The following GALNT14 variants were observed in gnomAD, a reference collection of about 807,000 sequenced individuals.
GALNT14 encodes the protein polypeptide N-acetylgalactosaminyltransferase 14.
Under a neutral mutation model 77.5 loss-of-function variants are expected in GALNT14, and 60 were observed. The observed-to-expected ratio is 0.77, with a 90% CI of 0.63 to 0.96. The LOEUF (loss-of-function observed/expected upper bound fraction) is 0.96. Ranked by LOEUF, GALNT14 falls within the 40% of genes least tolerant of loss-of-function variation. GALNT14 has a pLI of 0.00. For missense variants in GALNT14, 710 were observed against 731.0 expected, an observed-to-expected ratio of 0.97 and a Z score of 0.33; for synonymous variants, 280 against 281.7, an observed-to-expected ratio of 0.99 and a Z score of 0.06.
chr2:30,942,054 G>C, intron 9 of GALNT14, 147 bp downstream of exon 9: 1 of 564,782 alleles, frequency 1.8e-6, no homozygotes, highest in Non-Finnish European at 3.2e-6. Flanking sequence ...TCCCCCAAAA[G>C]AGTAACTCAC....
chr2:31,002,879 T>C (rs1276112674), intron 1 of GALNT14, among the ~76,000 whole-genome samples: 1 of 152,198 alleles, frequency 6.6e-6, no homozygotes, highest in African/African-American at 2.4e-5. Context: ...TGGAAAATCC[T>C]TTCCCCTCAC....
At chr2:31,104,086 C>T (rs1423600875) in intron 1 of GALNT14, among the ~76,000 whole-genome samples, 1 of 152,170 alleles carries the variant, frequency 6.6e-6, no homozygotes, top group African/African-American at 2.4e-5. Flanking sequence ...TTGGAAGTTG[C>T]TGCAGAAAAA....
chr2:30,916,485 G>A (rs574268275), intron 13 of GALNT14, among the ~76,000 whole-genome samples: 1 of 152,324 alleles, frequency 6.6e-6, no homozygotes, highest in East Asian at 1.9e-4. Context: ...GGGTGACCCT[G>A]CCCCCTCCAC....
the GALNT14 span, among the ~76,000 whole-genome samples, chr2:30,899,957 A>G: frequency 6.6e-6 from 1 of 152,112 alleles, no homozygotes; most frequent in South Asian, 2.1e-4. Flanking sequence ...ACTTCACCAT[A>G]CCCTTATGTG....
chr2:31,042,655 C>G lies in GALNT14; in HGVS notation c.130-49648G>C, dbSNP rs143598548. On this transcript the variant is annotated intron_variant, in intron 1 of 14. Transcript: ENST00000349752. ...TGAAAACCTTGGGGTAGCCTTCACT[C>G]CCTTCCTCTTCCTTACTCTCCACAT... is the stretch of plus-strand genomic sequence containing the variant. Among the ~76,000 whole-genome samples, 36 of 152,276 alleles carry G rather than the reference C, an allele frequency of 2.4e-4. No homozygotes were observed. The East Asian group carries it at 6.8e-3, about 29-fold the overall frequency.
At chr2:31,019,351 C>A (rs1457007200) in intron 1 of GALNT14, among the ~76,000 whole-genome samples, 1 of 152,110 alleles carries the variant, frequency 6.6e-6, no homozygotes, top group Non-Finnish European at 1.5e-5. Flanking sequence ...CTTTAATTTT[C>A]ATTTGAAAGG....
chr2:30,996,290 G>A (rs1253168169), intron 1 of GALNT14, among the ~76,000 whole-genome samples: 3 of 152,234 alleles, frequency 2.0e-5, no homozygotes, highest in Non-Finnish European at 4.4e-5. Flanking sequence ...AATGTGGATT[G>A]CAAAGAGGAC....
intron 13 of GALNT14, 107 bp from the exon 14 acceptor site, chr2:30,912,449 C>G (rs1572953416): frequency 7.8e-7 from 1 of 1,281,416 alleles, no homozygotes; most frequent in East Asian, 2.4e-5. Flanking sequence ...TAAGAAGCAC[C>G]AAGGGTCCCA....
At position 30,992,827 on chromosome 2, in the gene GALNT14, G is replaced by T. The variant is rs891316086; in HGVS notation, c.299+11C>A. 3 of 1,611,664 alleles carry T rather than the reference G, an allele frequency of 1.9e-6. No homozygotes were observed. The highest frequency in any genetic ancestry group is 1.3e-5 in the African/African-American group (1 of 74,914). On this transcript the variant is annotated intron_variant, in intron 2 of 14. Coordinates refer to ENST00000349752, the MANE Select transcript of GALNT14 (RefSeq NM_024572.4). ...CTGCGGGGGTAACAGAGTGGGAGAA[G>T]GAGGAAGTACCTCAGATGGCGAGTG... is the stretch of plus-strand genomic sequence containing the variant.
chr2:30,948,016 TTG>T (rs1392274178), intron 6 of GALNT14, among the ~76,000 whole-genome samples: 4 of 152,204 alleles, frequency 2.6e-5, no homozygotes, highest in Non-Finnish European at 5.9e-5. Context: ...GCCACTGTCA[TTG>T]TGTGTCTGTG....
chr2:31,044,525 A>C (rs12712304), intron 1 of GALNT14, among the ~76,000 whole-genome samples: 44,807 of 152,046 alleles, frequency 0.29, 7,136 homozygotes, highest in East Asian at 0.45. Flanking sequence ...GTACTTCAAT[A>C]CTCCCTATTA....
chr2:31,048,418 C>T (rs6734015), intron 1 of GALNT14, among the ~76,000 whole-genome samples: 47,274 of 152,134 alleles, frequency 0.31, 7,711 homozygotes, highest in Admixed American at 0.45. Flanking sequence ...GAAGACAGGG[C>T]TCTACTTCTT....
intron 2 of GALNT14, among the ~76,000 whole-genome samples, chr2:30,970,557 A>C (rs1264314608): frequency 1.3e-5 from 2 of 152,042 alleles, no homozygotes; most frequent in South Asian, 2.1e-4. Context: ...TCACAAGCTC[A>C]TGGTTTAGAA....
intron 1 of GALNT14, among the ~76,000 whole-genome samples, chr2:31,004,080 C>T (rs565143971): frequency 1.3e-5 from 2 of 152,322 alleles, no homozygotes; most frequent in African/African-American, 4.8e-5. Context: ...TCCCAATTGC[C>T]GGTGGACATG....
intron 2 of GALNT14, among the ~76,000 whole-genome samples, chr2:30,983,097 C>G (rs966886563): frequency 4.6e-5 from 7 of 152,104 alleles, no homozygotes; most frequent in African/African-American, 1.7e-4. Context: ...GAACTGATAC[C>G]ACACTGCCCT....
the GALNT14 span, among the ~76,000 whole-genome samples, chr2:30,896,494 A>G: frequency 6.6e-6 from 1 of 152,140 alleles, no homozygotes; most frequent in Non-Finnish European, 1.5e-5. Flanking sequence ...CAAGTTACTC[A>G]CTTCTAAGAT....
intron 1 of GALNT14, among the ~76,000 whole-genome samples, chr2:31,061,811 T>C (rs1674609424): frequency 6.6e-6 from 1 of 152,184 alleles, no homozygotes; most frequent in African/African-American, 2.4e-5. Flanking sequence ...CTTAGTTCCT[T>C]GCCCTTTTCA....
At chr2:31,114,664 A>G in intron 1 of GALNT14, 5 of 667,766 alleles carry the variant, frequency 7.5e-6, no homozygotes, top group South Asian at 6.9e-5. Flanking sequence ...CAGCTTGTGA[A>G]TAACAATAAT....
At position 31,008,567 on chromosome 2, in the gene GALNT14, T is replaced by TCA. The variant is rs1367354482; in HGVS notation, c.130-15562_130-15561dup. Among the ~76,000 whole-genome samples the TCA allele has an allele frequency of 6.1e-4, 93 of 152,282 alleles. No homozygotes were observed. The Middle Eastern group carries it at 0.01, about 17-fold the overall frequency. On this transcript the variant is annotated intron_variant, in intron 1 of 14. Coordinates refer to ENST00000349752, the MANE Select transcript of GALNT14 (RefSeq NM_024572.4). ...CTCCAGTCCTGTCAAAGAGTCACTCTCAGCACATTAAGCATTAAGGCTTTC... is the reference window on the plus strand; with the variant it reads ...CTCCAGTCCTGTCAAAGAGTCACTCTCACAGCACATTAAGCATTAAGGCTTTC...
Sources: gnomAD v4.1 joint callset for allele counts (sites outside exome capture counted in the v4.1 genomes callset) on GRCh38, gnomAD v4.1.1 for gene constraint, MANE v1.5 for transcripts, NCBI Gene and HGNC (gene_info 2026-07-23, HGNC 2026-07-21) for gene names.